The following GRID2 variants were observed in gnomAD, a reference collection of about 807,000 sequenced individuals.
GRID2 encodes the protein glutamate receptor ionotropic, delta-2.
A neutral mutation model predicts 114.8 loss-of-function variants in GRID2; 33 were observed. The observed-to-expected ratio is 0.29, with a 90% CI of 0.22 to 0.38. The LOEUF is 0.38. GRID2 is among the 10% of genes least tolerant of loss of function. The pLI is 1.00. For synonymous variants in GRID2, 505 were observed against 449.9 expected (o/e 1.12, Z -1.55); for missense variants, 1,184 against 1,257.7 (o/e 0.94, Z 0.89).
intron 8 of GRID2, among the ~76,000 whole-genome samples, chr4:93,290,785 GT>G (rs1753652186): frequency 6.7e-6 from 1 of 148,632 alleles, no homozygotes; most frequent in Non-Finnish European, 1.5e-5. Flanking sequence ...ATAATATTCT[GT>G]GTTTTGCAAT....
chr4:93,756,871 T>C (rs1387240736), intron 14 of GRID2, among the ~76,000 whole-genome samples: 1 of 152,232 alleles, frequency 6.6e-6, no homozygotes, highest in Non-Finnish European at 1.5e-5. Flanking sequence ...AAATACATAT[T>C]TTAAGATTCC....
intron 5 of GRID2, among the ~76,000 whole-genome samples, chr4:93,211,446 T>G (rs1249662980): frequency 1.3e-5 from 2 of 152,132 alleles, no homozygotes; most frequent in Admixed American, 6.6e-5. Flanking sequence ...AAGTGGATGC[T>G]CCATAATTTG....
chr4:92,583,901 A>G (rs1006148255), intron 1 of GRID2, among the ~76,000 whole-genome samples: 5 of 138,404 alleles, frequency 3.6e-5, no homozygotes, highest in Non-Finnish European at 6.2e-5. Flanking sequence ...ATATATGTGT[A>G]TATATTTATA....
chr4:92,533,595 A>G lies in GRID2; in HGVS notation c.89-56536A>G, dbSNP rs566293739. Among the ~76,000 whole-genome samples, 24 of 152,244 alleles carry G rather than the reference A, an allele frequency of 1.6e-4. No individual in the cohort carries two copies. In the East Asian group the frequency reaches 3.5e-3, roughly 22 times the overall value. The stretch of plus-strand genomic sequence containing the variant: ...CTCCTACCCCTATGAGAGAAACACA[A>G]TAACTGTTCATCCCCTTTCTTTATT... On this transcript the variant is annotated intron_variant, in intron 1 of 15. Coordinates refer to ENST00000282020, the MANE Select transcript of GRID2 (RefSeq NM_001510.4).
intron 1 of GRID2, among the ~76,000 whole-genome samples, chr4:92,480,334 C>G (rs1722521551): frequency 6.6e-6 from 1 of 152,054 alleles, no homozygotes; most frequent in Admixed American, 6.6e-5. Context: ...CATGAGATTA[C>G]TTAATAGTTT....
At chr4:93,474,017 G>C (rs1725085081) in intron 11 of GRID2, among the ~76,000 whole-genome samples, 1 of 152,040 alleles carries the variant, frequency 6.6e-6, no homozygotes, top group Non-Finnish European at 1.5e-5. Flanking sequence ...TACATTGAAA[G>C]TGCTATTCAC....
chr4:92,582,444 A>T (rs1728227485), intron 1 of GRID2, among the ~76,000 whole-genome samples: 1 of 151,848 alleles, frequency 6.6e-6, no homozygotes, highest in African/African-American at 2.4e-5. Flanking sequence ...CTTTATATAT[A>T]TTAATTATCC....
At chr4:92,382,857 A>C (rs1332700789) in intron 1 of GRID2, among the ~76,000 whole-genome samples, 1 of 151,996 alleles carries the variant, frequency 6.6e-6, no homozygotes, top group African/African-American at 2.4e-5. Context: ...ATTTTGTATT[A>C]GTCCATTCTC....
At chr4:92,811,276 A>G (rs1740651935) in intron 2 of GRID2, among the ~76,000 whole-genome samples, 1 of 152,150 alleles carries the variant, frequency 6.6e-6, no homozygotes, top group African/African-American at 2.4e-5. Flanking sequence ...AAACATATCC[A>G]TACCTTTTTT....
chr4:92,433,423 C>T (rs551239278), intron 1 of GRID2, among the ~76,000 whole-genome samples: 16 of 152,294 alleles, frequency 1.1e-4, no homozygotes, highest in African/African-American at 2.4e-4. Flanking sequence ...ACTTAGGTTC[C>T]GACTGCTGGG....
intron 1 of GRID2, among the ~76,000 whole-genome samples, chr4:92,575,717 G>T (rs1727856210): frequency 6.6e-6 from 1 of 152,164 alleles, no homozygotes; most frequent in Non-Finnish European, 1.5e-5. Flanking sequence ...TCCTGTAGGA[G>T]GTGGCTGGAG....
chr4:92,852,599 T>C (rs1743900730), intron 2 of GRID2, among the ~76,000 whole-genome samples: 1 of 151,974 alleles, frequency 6.6e-6, no homozygotes, highest in Non-Finnish European at 1.5e-5. Context: ...CATCATCAAA[T>C]GCAATGATTT....
intron 13 of GRID2, among the ~76,000 whole-genome samples, chr4:93,533,671 T>A (rs1205616467): frequency 6.6e-6 from 1 of 151,176 alleles, no homozygotes; most frequent in Non-Finnish European, 1.5e-5. Flanking sequence ...ATTCCAGGTG[T>A]CAGCAACCAT....
chr4:92,372,651 G>A (rs1729172396), intron 1 of GRID2, among the ~76,000 whole-genome samples: 1 of 152,124 alleles, frequency 6.6e-6, no homozygotes, highest in South Asian at 2.1e-4. Flanking sequence ...TATTTGTTCT[G>A]TTGTGGTGGT....
intron 2 of GRID2, among the ~76,000 whole-genome samples, chr4:92,876,074 A>C (rs929441589): frequency 2.6e-5 from 4 of 151,934 alleles, no homozygotes; most frequent in African/African-American, 9.7e-5. Flanking sequence ...CTATATACCA[A>C]ATACTATAAT....
chr4:92,397,808 T>A (rs994593516), intron 1 of GRID2, among the ~76,000 whole-genome samples: 1 of 152,106 alleles, frequency 6.6e-6, no homozygotes, highest in South Asian at 2.1e-4. Context: ...ATATCAGTAA[T>A]TAATAATGAA....
chr4:92,809,210 C>T (rs1394799390), intron 2 of GRID2, among the ~76,000 whole-genome samples: 1 of 151,860 alleles, frequency 6.6e-6, no homozygotes, highest in African/African-American at 2.4e-5. Flanking sequence ...ACTAAAAAAT[C>T]TTAGTTTTCA....
intron 2 of GRID2, among the ~76,000 whole-genome samples, chr4:92,974,672 C>T (rs1753738121): frequency 2.0e-5 from 3 of 150,778 alleles, no homozygotes; most frequent in African/African-American, 7.3e-5. Flanking sequence ...CATCACACAC[C>T]AGAACGTGTC....
intron 1 of GRID2, among the ~76,000 whole-genome samples, chr4:92,381,380 T>G (rs577595842): frequency 6.6e-6 from 1 of 152,196 alleles, no homozygotes; most frequent in East Asian, 1.9e-4. Flanking sequence ...GCTCGTGTGC[T>G]TTGGGTGACT....
Sources: gnomAD v4.1 joint callset for allele counts (sites outside exome capture counted in the v4.1 genomes callset) on GRCh38, gnomAD v4.1.1 for gene constraint, MANE v1.5 for transcripts, NCBI Gene and HGNC (gene_info 2026-07-23, HGNC 2026-07-21) for gene names.